Variants in FLRT1 observed in about 807,000 individuals in gnomAD.
The protein encoded by FLRT1 is fibronectin leucine rich transmembrane protein 1, also known as leucine-rich repeat transmembrane protein FLRT1.
In FLRT1, 14 loss-of-function variants were observed where a neutral mutation model predicts 30.9. The ratio of observed to expected loss-of-function variants is 0.45; its 90% CI spans 0.30 to 0.71. The LOEUF (loss-of-function observed/expected upper bound fraction) is 0.71. Ranked by LOEUF, FLRT1 falls within the 30% of genes least tolerant of loss-of-function variation. The probability of loss-of-function intolerance (pLI) is 0.08; values close to 1 mark genes in which losing one functional copy is unlikely to be tolerated. For missense variants in FLRT1, 737 were observed against 949.2 expected, an observed-to-expected ratio of 0.78 and a Z score of 2.94; for synonymous variants, 368 against 430.4, an observed-to-expected ratio of 0.85 and a Z score of 1.80.
chr11:64,085,745 T>C (rs1457515752), intron 1 of FLRT1, among the ~76,000 whole-genome samples: 1 of 152,134 alleles, frequency 6.6e-6, no homozygotes, highest in Non-Finnish European at 1.5e-5. Context: ...GTGTTGTCCA[T>C]TGGGGGCCTG....
chr11:64,103,583 A>AT lies in FLRT1; in HGVS notation c.-646dup, dbSNP rs1464663088. ...CCATTCTGCCAAGTGACTTAAAGGA[A>AT]TTAAAAAAAAAAAAAGCCTTGGTAA... On this transcript the variant is annotated 5_prime_UTR_variant, in exon 2 of 3. Transcript: ENST00000682287. 23 of 116,240 alleles carry AT rather than the reference A, an allele frequency of 2.0e-4. No homozygotes were observed. Among genetic ancestry groups the AT allele is most frequent in the East Asian group, 1.6e-3 (7 of 4,384 alleles). 7.2% of individuals were successfully genotyped at this position (116,240 alleles called of 1,614,324 possible). A position where few individuals can be genotyped will look rare whatever the true frequency, so the allele number is the denominator to read the frequency against.
At chr11:64,093,966 G>A (rs552861601) in intron 1 of FLRT1, among the ~76,000 whole-genome samples, 22 of 152,246 alleles carry the variant, frequency 1.4e-4, no homozygotes, top group Non-Finnish European at 3.1e-4. Flanking sequence ...CTGGCTGATA[G>A]AAAGCACGGT....
At chr11:64,041,067 C>T (rs950196684) in intron 1 of FLRT1, among the ~76,000 whole-genome samples, 7 of 151,712 alleles carry the variant, frequency 4.6e-5, no homozygotes, top group African/African-American at 1.7e-4. Flanking sequence ...GGTCACGGGG[C>T]GCTAGTCCTG....
At chr11:64,079,584 G>C (rs1332352628) in intron 1 of FLRT1, among the ~76,000 whole-genome samples, 2 of 152,190 alleles carry the variant, frequency 1.3e-5, no homozygotes, top group African/African-American at 2.4e-5. Flanking sequence ...GGAGTCCAGG[G>C]TCCTGGGCGT....
At chr11:64,115,843 A>G (rs763220922) in intron 2 of FLRT1, among the ~76,000 whole-genome samples, 3 of 152,254 alleles carry the variant, frequency 2.0e-5, no homozygotes, top group Non-Finnish European at 2.9e-5. Context: ...AGCGTTGGCC[A>G]TAAAGTGGCT....
At chr11:64,044,260 T>C (rs1220521312) in intron 1 of FLRT1, among the ~76,000 whole-genome samples, 2 of 151,802 alleles carry the variant, frequency 1.3e-5, no homozygotes, top group African/African-American at 4.8e-5. Context: ...ACTTTTTTTT[T>C]TTTTTTTTTG....
At position 64,118,996 on chromosome 11, in the gene FLRT1, G is replaced by A. The variant is rs946855376; in HGVS notation, c.*704G>A. On this transcript the variant is annotated 3_prime_UTR_variant, in exon 3 of 3. Coordinates refer to ENST00000682287, the MANE Select transcript of FLRT1 (RefSeq NM_013280.5). The stretch of plus-strand genomic sequence containing the variant: ...TCAGTTCCATGCACCACGCTCCGTA[G>A]AAGCCCCGGCGGAAGCCGTAGCTTT... The A allele has an allele frequency of 6.0e-6, 1 of 166,860 alleles. No homozygotes were observed. Among genetic ancestry groups the A allele is most frequent in the Non-Finnish European group, 1.5e-5 (1 of 68,090 alleles). The allele number at this position is 166,860 out of a possible 1,614,324, so 10.3% of individuals were successfully genotyped here.
At chr11:64,043,324 C>G (rs574409656) in intron 1 of FLRT1, among the ~76,000 whole-genome samples, 1 of 152,204 alleles carries the variant, frequency 6.6e-6, no homozygotes. Context: ...TACAGGCTAG[C>G]TTTCCGCCCT....
At chr11:64,066,384 G>T (rs1016715606) in intron 1 of FLRT1, among the ~76,000 whole-genome samples, 2 of 151,672 alleles carry the variant, frequency 1.3e-5, no homozygotes, top group Admixed American at 1.3e-4. Context: ...AGGCCGAGGT[G>T]GTAGGATCAC....
At chr11:64,089,726 G>A (rs1353691686) in intron 1 of FLRT1, among the ~76,000 whole-genome samples, 1 of 152,194 alleles carries the variant, frequency 6.6e-6, no homozygotes, top group African/African-American at 2.4e-5. Flanking sequence ...AGGGTGAGAG[G>A]CCCTGAGACA....
At chr11:64,101,616 ATGGAG>A (rs1340173390) in intron 1 of FLRT1, among the ~76,000 whole-genome samples, 1 of 152,142 alleles carries the variant, frequency 6.6e-6, no homozygotes, top group East Asian at 1.9e-4. Flanking sequence ...TCTCGCTTTC[ATGGAG>A]AAATTACAAT....
At position 64,116,366 on chromosome 11, in the gene FLRT1, C is replaced by G; in HGVS notation, c.99C>G (p.Asp33Glu). 6.2e-7 allele frequency: 1 copy of G among 1,613,444 alleles called. No individual in the cohort carries two copies. The highest frequency in any genetic ancestry group is 1.1e-5 in the South Asian group (1 of 91,014). Reference protein sequence around the residue: ...VMTTATMDLRDWLFLCYGLIA... With the variant: ...VMTTATMDLREWLFLCYGLIA... ...CCACGGCCACCATGGACCTGCGGGA[C>G]TGGCTGTTCCTCTGCTACGGGCTCA... is the stretch of plus-strand genomic sequence containing the variant. Residue 33 changes from aspartate (D) to glutamate (E), a missense_variant, in exon 3 of 3, where the codon GAC (aspartate) becomes GAG (glutamate). Coordinates refer to ENST00000682287, the MANE Select transcript of FLRT1 (RefSeq NM_013280.5).
intron 1 of FLRT1, among the ~76,000 whole-genome samples, chr11:64,056,019 G>A (rs1486232636): frequency 6.6e-6 from 1 of 152,218 alleles, no homozygotes; most frequent in African/African-American, 2.4e-5. Context: ...CCTGTCCACA[G>A]AATGGGAGCA....
At chr11:64,058,221 G>T (rs914419610) in intron 1 of FLRT1, among the ~76,000 whole-genome samples, 1 of 152,254 alleles carries the variant, frequency 6.6e-6, no homozygotes, top group Non-Finnish European at 1.5e-5. Context: ...TAGAGAGGTG[G>T]GCATCTGAGC....
chr11:64,117,802 C>G lies in FLRT1; in HGVS notation c.1535C>G (p.Thr512Ser), dbSNP rs1945018773. The G allele has an allele frequency of 6.2e-7, 1 of 1,614,060 alleles. No homozygotes were observed. The highest frequency in any genetic ancestry group is 1.3e-5 in the African/African-American group (1 of 74,952). Residue 512 changes from threonine (T) to serine (S), a missense_variant, in exon 3 of 3, where the codon ACC becomes AGC. Thr to Ser is a moderately conservative substitution (Grantham distance 58). Coordinates refer to ENST00000682287, the MANE Select transcript of FLRT1 (RefSeq NM_013280.5). Reference protein sequence around the residue: ...TYIICMVTMETSNAYVADETP... With the variant: ...TYIICMVTMESSNAYVADETP... The stretch of plus-strand genomic sequence containing the variant: ...ATCATCTGCATGGTCACCATGGAGA[C>G]CAGCAATGCCTACGTAGCTGATGAG...
At chr11:64,080,215 G>A (rs1944279253) in intron 1 of FLRT1, among the ~76,000 whole-genome samples, 1 of 152,094 alleles carries the variant, frequency 6.6e-6, no homozygotes, top group Non-Finnish European at 1.5e-5. Flanking sequence ...GTATCAACAT[G>A]TTGGCCAGGC....
chr11:64,063,514 T>A (rs1055453711), intron 1 of FLRT1, among the ~76,000 whole-genome samples: 5 of 152,106 alleles, frequency 3.3e-5, no homozygotes, highest in South Asian at 2.1e-4. Flanking sequence ...CCTGGCAAAG[T>A]CCCAGGTGCC....
intron 1 of FLRT1, among the ~76,000 whole-genome samples, chr11:64,054,796 C>T (rs1217879038): frequency 1.3e-5 from 2 of 152,106 alleles, no homozygotes; most frequent in Non-Finnish European, 2.9e-5. Context: ...CTGTGTCACT[C>T]ATCTTGTCTC....
chr11:64,073,906 G>A (rs914943639), intron 1 of FLRT1, among the ~76,000 whole-genome samples: 1 of 152,180 alleles, frequency 6.6e-6, no homozygotes, highest in African/African-American at 2.4e-5. Context: ...GGGCTCTGGG[G>A]TTGAAGGGTT....
Sources: allele counts gnomAD v4.1 joint callset (sites outside exome capture counted in the v4.1 genomes callset), GRCh38; gene constraint gnomAD v4.1.1; transcripts MANE v1.5; gene names NCBI Gene and HGNC (gene_info 2026-07-23, HGNC 2026-07-21).